PGGT1B: variants seen among roughly 807,000 people sequenced by gnomAD.
PGGT1B encodes geranylgeranyl transferase type-1 subunit beta.
In PGGT1B, 30 loss-of-function variants were observed where a neutral mutation model predicts 46.1. That is an observed-to-expected ratio of 0.65 (90% confidence interval 0.49 to 0.88). PGGT1B has a LOEUF of 0.88. PGGT1B is among the 40% of genes least tolerant of loss of function. The pLI, the probability that PGGT1B is intolerant of heterozygous loss-of-function variation, is 0.00. For missense variants in PGGT1B, 376 were observed against 455.9 expected (o/e 0.82, Z 1.60); for synonymous variants, 170 against 160.0 (o/e 1.06, Z -0.47).
intron 8 of PGGT1B, among the ~76,000 whole-genome samples, chr5:115,213,251 A>C (rs1756295971): frequency 6.6e-6 from 1 of 152,176 alleles, no homozygotes; most frequent in African/African-American, 2.4e-5. Flanking sequence ...ATACCATGAC[A>C]ATTCTGCACT....
chr5:115,241,484 T>C, intron 3 of PGGT1B, 55 bp downstream of exon 3: 1 of 1,116,746 alleles, frequency 9.0e-7, no homozygotes, highest in South Asian at 1.7e-5. Context: ...GTTTTCTCTT[T>C]TATTAAAATA....
intron 1 of PGGT1B, among the ~76,000 whole-genome samples, chr5:115,262,084 CAA>C (rs918549690): frequency 6.6e-6 from 1 of 152,224 alleles, no homozygotes; most frequent in Non-Finnish European, 1.5e-5. Context: ...CAATGCGGAG[CAA>C]AGATTGCCTT....
At chr5:115,244,614 C>T (rs1429695104) in intron 2 of PGGT1B, among the ~76,000 whole-genome samples, 1 of 151,350 alleles carries the variant, frequency 6.6e-6, no homozygotes, top group Non-Finnish European at 1.5e-5. Context: ...ATTTTTGAGA[C>T]AGAGTCTTGC....
Position 115,207,529 on chromosome 5 carries a change from G to A in PGGT1B, c.*4873C>T, listed in dbSNP as rs1450086781. On this transcript the variant is annotated 3_prime_UTR_variant, in exon 9 of 9. Transcript: ENST00000419445. ...AGAGAGGTAGTGACTGAAAGAGGGT[G>A]CTGATTTCTGACACCATACATAGAT... The A allele has an allele frequency of 6.6e-6, 1 of 152,014 alleles. No individual in the cohort carries two copies. Among genetic ancestry groups the A allele is most frequent in the Non-Finnish European group, 1.5e-5 (1 of 67,934 alleles). The allele number at this position is 152,014 out of a possible 1,614,324, so 9.4% of individuals were successfully genotyped here.
Position 115,211,858 on chromosome 5 carries a change from C to T in PGGT1B, c.*544G>A, listed in dbSNP as rs1486634529. Reference sequence around the variant, plus strand: ...ATTAACTTCATTTATATAGGCCACACAGGTTTAATTGGCACACTTTACTTA... The same window carrying T: ...ATTAACTTCATTTATATAGGCCACATAGGTTTAATTGGCACACTTTACTTA... On this transcript the variant is annotated 3_prime_UTR_variant, in exon 9 of 9. Coordinates refer to ENST00000419445, the MANE Select transcript of PGGT1B (RefSeq NM_005023.4). 1.3e-5 allele frequency: 2 copies of T among 153,358 alleles called. No individual in the cohort carries two copies. Among genetic ancestry groups the T allele is most frequent in the Non-Finnish European group, 2.9e-5 (2 of 68,612 alleles). The allele number at this position is 153,358 out of a possible 1,614,324, so 9.5% of individuals were successfully genotyped here.
At chr5:115,252,526 C>A (rs1748147051) in intron 2 of PGGT1B, among the ~76,000 whole-genome samples, 1 of 151,744 alleles carries the variant, frequency 6.6e-6, no homozygotes, top group Admixed American at 6.6e-5. Flanking sequence ...TAAGTTATAT[C>A]TATCTTAGAT....
intron 6 of PGGT1B, among the ~76,000 whole-genome samples, chr5:115,228,392 T>C (rs1756862107): frequency 1.3e-5 from 2 of 152,116 alleles, no homozygotes; most frequent in South Asian, 2.1e-4. Flanking sequence ...AATAAACAAA[T>C]AGATAAAACA....
rs914690265 is a variant in PGGT1B at position 115,261,405 on chromosome 5, G to C, written c.140+1307C>G. 7.2e-5 allele frequency among the ~76,000 whole-genome samples: 11 copies of C among 152,332 alleles called. 1 individual carries two copies. The highest frequency in any genetic ancestry group is 2.0e-4 in the Admixed American group (3 of 15,304). ...ATACCAGGTACTATTTAAGGTCCTA[G>C]TGCAATGTTGACCAAAAGGACTAAG... On this transcript the variant is annotated intron_variant, in intron 1 of 8. Coordinates refer to ENST00000419445, the MANE Select transcript of PGGT1B (RefSeq NM_005023.4).
chr5:115,242,765 C>T (rs1757385106), intron 2 of PGGT1B, among the ~76,000 whole-genome samples: 1 of 152,048 alleles, frequency 6.6e-6, no homozygotes, highest in Admixed American at 6.6e-5. Flanking sequence ...TCAGGAGTTC[C>T]AGACCAGCCT....
chr5:115,211,563 T>G lies in PGGT1B; in HGVS notation c.*839A>C, dbSNP rs1756222391. 1 of 147,642 alleles carries G rather than the reference T, an allele frequency of 6.8e-6. No individual in the cohort carries two copies. Among genetic ancestry groups the G allele is most frequent in the African/African-American group, 2.5e-5 (1 of 39,660 alleles). 9.1% of individuals were successfully genotyped at this position (147,642 alleles called of 1,614,324 possible). On this transcript the variant is annotated 3_prime_UTR_variant, in exon 9 of 9. Transcript: ENST00000419445. ...AAATGAAAACACAAAGTATCTTTCC[T>G]TCTAGATAAAAAAGATTGTTTTCTT...
At position 115,216,777 on chromosome 5, in the gene PGGT1B, T is replaced by G. The variant is rs1024216659; in HGVS notation, c.952+88A>C. On this transcript the variant is annotated intron_variant, in intron 8 of 8. Transcript: ENST00000419445. ...TAATGTAACTTTGCAACTGGATATA[T>G]TTTCTATCATATGCCTTTTCTGATA... The G allele has an allele frequency of 2.2e-5, 16 of 729,900 alleles. No homozygotes were observed. In the African/African-American group the frequency reaches 2.9e-4, roughly 13 times the overall value. 45.2% of individuals were successfully genotyped at this position (729,900 alleles called of 1,614,324 possible).
At chr5:115,215,296 A>G (rs1756381084) in intron 8 of PGGT1B, among the ~76,000 whole-genome samples, 1 of 146,414 alleles carries the variant, frequency 6.8e-6, no homozygotes, top group South Asian at 2.2e-4. Context: ...GCACCCGGCC[A>G]TTTATTTTAT....
At chr5:115,240,339 G>C (rs1367202137) in intron 3 of PGGT1B, among the ~76,000 whole-genome samples, 1 of 152,152 alleles carries the variant, frequency 6.6e-6, no homozygotes, top group Non-Finnish European at 1.5e-5. Context: ...TGTTATTAAA[G>C]CACTGTAACA....
At position 115,204,220 on chromosome 5, in the gene PGGT1B, C is replaced by T. The variant is rs1402143574; in HGVS notation, c.*8182G>A. On this transcript the variant is annotated 3_prime_UTR_variant, in exon 9 of 9. Transcript: ENST00000419445. ...TTTTTCTCTATCAGTGATTGGTTCTCAACTTTGAATGTGCATTGAAACCAC... is the reference window on the plus strand; with the variant it reads ...TTTTTCTCTATCAGTGATTGGTTCTTAACTTTGAATGTGCATTGAAACCAC... 1 of 152,112 alleles carries T rather than the reference C, an allele frequency of 6.6e-6. No individual in the cohort carries two copies. The highest frequency in any genetic ancestry group is 1.5e-5 in the Non-Finnish European group (1 of 68,010). 9.4% of individuals were successfully genotyped at this position (152,112 alleles called of 1,614,324 possible).
At chr5:115,237,179 T>C (rs904529951) in intron 4 of PGGT1B, among the ~76,000 whole-genome samples, 5 of 152,206 alleles carry the variant, frequency 3.3e-5, no homozygotes, top group African/African-American at 1.2e-4. Context: ...TCTACATTTA[T>C]TTTTCCCTCA....
In PGGT1B at chr5:115,228,270, T is replaced by G. The variant is rs570501987; in HGVS notation, c.658+2706A>C. On this transcript the variant is annotated intron_variant, in intron 6 of 8. Transcript: ENST00000419445. ...CAGAGATAATTAATAAAGAACCATC[T>G]GTTAGTTTGTTCAACTATGTGCCAA... 5.3e-5 allele frequency among the ~76,000 whole-genome samples: 8 copies of G among 152,326 alleles called. No individual in the cohort carries two copies. In the South Asian group the frequency reaches 1.7e-3, roughly 32 times the overall value.
intron 3 of PGGT1B, among the ~76,000 whole-genome samples, 173 bp downstream of exon 3, chr5:115,241,366 G>A (rs374476665): frequency 1.1e-4 from 16 of 152,028 alleles, no homozygotes; most frequent in Admixed American, 7.9e-4. Flanking sequence ...AAGTAAAGTA[G>A]GTATAGGTTT....
intron 2 of PGGT1B, among the ~76,000 whole-genome samples, chr5:115,245,144 G>C (rs1404431794): frequency 6.6e-6 from 1 of 152,046 alleles, no homozygotes; most frequent in Non-Finnish European, 1.5e-5. Context: ...ATTTATACTT[G>C]CAACTGGACA....
At position 115,262,852 on chromosome 5, in the gene PGGT1B, G is replaced by T; in HGVS notation, c.-1C>A. On this transcript the variant is annotated 5_prime_UTR_variant, in exon 1 of 9. Coordinates refer to ENST00000419445, the MANE Select transcript of PGGT1B (RefSeq NM_005023.4). ...GCCTCTCATCCTCAGTGGCCGCCAT[G>T]CTGCTCCGGAAGCGACGTCCGCCGC... The T allele has an allele frequency of 1.2e-6, 2 of 1,611,904 alleles. No homozygotes were observed. The highest frequency in any genetic ancestry group is 1.7e-6 in the Non-Finnish European group (2 of 1,179,778).
Sources: allele counts gnomAD v4.1 joint callset (sites outside exome capture counted in the v4.1 genomes callset), GRCh38; gene constraint gnomAD v4.1.1; transcripts MANE v1.5; gene names NCBI Gene and HGNC (gene_info 2026-07-23, HGNC 2026-07-21).